The following NMT2 variants were observed in gnomAD, a reference collection of about 807,000 sequenced individuals.
NMT2 encodes the protein glycylpeptide N-tetradecanoyltransferase 2.
NMT2 carries 35 observed loss-of-function variants against 65.4 expected under a neutral mutation model. That is an observed-to-expected ratio of 0.54 (90% CI 0.41 to 0.71). NMT2 has a LOEUF of 0.71. NMT2 is among the 30% of genes least tolerant of loss of function. The pLI is 0.00. For synonymous variants in NMT2, 226 were observed against 231.8 expected (o/e 0.98, Z 0.23); for missense variants, 489 against 611.3 (o/e 0.80, Z 2.11).
intron 3 of NMT2, among the ~76,000 whole-genome samples, chr10:15,134,357 G>A (rs949416994): frequency 4.6e-5 from 7 of 152,180 alleles, no homozygotes; most frequent in African/African-American, 1.7e-4. Context: ...GATGACCGGG[G>A]CAGGCCTCAG....
intron 1 of NMT2, among the ~76,000 whole-genome samples, chr10:15,167,745 G>A (rs1833422106): frequency 6.6e-6 from 1 of 152,230 alleles, no homozygotes; most frequent in South Asian, 2.1e-4. Context: ...CAAAGGGAAA[G>A]GATTAAGAAA....
Position 15,119,482 on chromosome 10 carries a change from T to C in NMT2, c.1031A>G (p.Glu344Gly). 6.2e-7 allele frequency: 1 copy of C among 1,614,104 alleles called. No individual in the cohort carries two copies. The highest frequency in any genetic ancestry group is 1.1e-5 in the South Asian group (1 of 91,076). The stretch of plus-strand genomic sequence containing the variant: ...TCGAACTGATTTGATATCTTTTGGT[T>C]CCATTGGTCTCAAACCTGAAGTCTT... ...VTKTSGLRPM[E>G]PKDIKSVREL... is the part of the protein sequence containing the mutation. The change falls in exon 9 of 12, where the codon GAA (glutamate) becomes GGA (glycine). Residue 344 changes from glutamate (E) to glycine (G), a missense_variant. Transcript: ENST00000378165.
chr10:15,116,179 A>G (rs1285151698), intron 9 of NMT2, among the ~76,000 whole-genome samples: 1 of 152,202 alleles, frequency 6.6e-6, no homozygotes, highest in East Asian at 1.9e-4. Flanking sequence ...TATCCCGAGT[A>G]ATAAAACAAA....
chr10:15,156,965 C>G (rs1202647255), intron 1 of NMT2, among the ~76,000 whole-genome samples: 2 of 152,074 alleles, frequency 1.3e-5, no homozygotes, highest in Admixed American at 1.3e-4. Context: ...AATAAGCACT[C>G]TGCTTTCACT....
chr10:15,127,771 C>T (rs897513899), intron 8 of NMT2, among the ~76,000 whole-genome samples: 21 of 150,782 alleles, frequency 1.4e-4, no homozygotes, highest in African/African-American at 3.2e-4. Flanking sequence ...GGTGTGGTGG[C>T]GGGTGCCTGT....
Position 15,162,050 on chromosome 10 carries a change from C to G in NMT2, c.110+6453G>C, listed in dbSNP as rs189536119. Among the ~76,000 whole-genome samples, 427 of 152,076 alleles carry G rather than the reference C, an allele frequency of 2.8e-3. 3 individuals are homozygous for G. The highest frequency in any genetic ancestry group is 7.9e-3 in the Admixed American group (120 of 15,286). On this transcript the variant is annotated intron_variant, in intron 1 of 11. Transcript: ENST00000378165. ...GGTGAACTGCTTGAGTTCAGGAGTT[C>G]GAGACCAGCCTAGACAACATAGTGA...
chr10:15,153,246 C>A (rs1376069837), intron 1 of NMT2, among the ~76,000 whole-genome samples: 1 of 152,190 alleles, frequency 6.6e-6, no homozygotes, highest in Non-Finnish European at 1.5e-5. Flanking sequence ...CACAGTGAGA[C>A]CTCCCCTCCG....
At chr10:15,109,241 G>A in intron 11 of NMT2, 26 bp from the exon 12 acceptor site, 1 of 1,603,074 alleles carries the variant, frequency 6.2e-7, no homozygotes, top group African/African-American at 1.3e-5. Flanking sequence ...AAATGGAATA[G>A]TAAGAAAAAT....
chr10:15,145,014 T>C (rs1846913349), intron 1 of NMT2, among the ~76,000 whole-genome samples: 1 of 152,126 alleles, frequency 6.6e-6, no homozygotes, highest in South Asian at 2.1e-4. Context: ...ACCATCCTCT[T>C]ATGAATGAAG....
At chr10:15,154,739 GTTC>G in intron 1 of NMT2, 1 of 591,158 alleles carries the variant, frequency 1.7e-6, no homozygotes, top group Non-Finnish European at 3.2e-6. Context: ...GGTGGAGGGT[GTTC>G]TTCTGAGCTA....
At chr10:15,155,073 T>C (rs765658548) in intron 1 of NMT2, 33 of 1,353,778 alleles carry the variant, frequency 2.4e-5, no homozygotes, top group Non-Finnish European at 3.1e-5. Flanking sequence ...GTTCTCATCA[T>C]CAAATTTCTC....
intron 8 of NMT2, among the ~76,000 whole-genome samples, chr10:15,126,390 T>G (rs1589308612): frequency 6.7e-6 from 1 of 149,286 alleles, no homozygotes; most frequent in African/African-American, 2.5e-5. Context: ...GATTGTGCCA[T>G]TGCACTCCAG....
chr10:15,112,177 TATATATATATATATA>T (rs1845544414), intron 10 of NMT2, among the ~76,000 whole-genome samples: 1 of 7,956 alleles, frequency 1.3e-4, no homozygotes, highest in Non-Finnish European at 2.4e-4. Flanking sequence ...ATGGGCTTTA[TATATATATATATATA>T]TATATATATA....
chr10:15,128,398 A>C lies in NMT2; in HGVS notation c.951T>G (p.Ser317Arg). 1 of 1,610,734 alleles carries C rather than the reference A, an allele frequency of 6.2e-7. No individual in the cohort carries two copies. Among genetic ancestry groups the C allele is most frequent in the Non-Finnish European group, 8.5e-7 (1 of 1,177,064 alleles). ...KLVEVKFSHL[S>R]RNMTLQRTMK... Reference sequence around the variant, plus strand: ...TTGTTCTCTGTAAAGTCATATTTCTACTCAAGTGAGAAAATTTCACTTCTA... The same window carrying C: ...TTGTTCTCTGTAAAGTCATATTTCTCCTCAAGTGAGAAAATTTCACTTCTA... The change falls in exon 8 of 12, where the codon AGT becomes AGG. Residue 317 changes from serine (S) to arginine (R), a missense_variant. Physicochemically the swap from Ser to Arg is moderately radical, Grantham distance 110 (BLOSUM62 -1). Transcript: ENST00000378165.
Position 15,108,361 on chromosome 10 carries a change from A to G in NMT2, c.*834T>C. ...GCCACCACGCCCGGCTAATTTTTGTATTTTTAGTAGAGATGGGGTTTCACT... is the reference window on the plus strand; with the variant it reads ...GCCACCACGCCCGGCTAATTTTTGTGTTTTTAGTAGAGATGGGGTTTCACT... On this transcript the variant is annotated 3_prime_UTR_variant, in exon 12 of 12. Coordinates refer to ENST00000378165, the MANE Select transcript of NMT2 (RefSeq NM_004808.3). 2.0e-6 allele frequency: 1 copy of G among 494,672 alleles called. No individual in the cohort carries two copies. Among genetic ancestry groups the G allele is most frequent in the Non-Finnish European group, 2.6e-6 (1 of 382,688 alleles). 30.6% of individuals were successfully genotyped at this position (494,672 alleles called of 1,614,324 possible).
intron 2 of NMT2, among the ~76,000 whole-genome samples, chr10:15,137,458 C>A (rs1052049764): frequency 1.3e-5 from 2 of 152,070 alleles, no homozygotes; most frequent in African/African-American, 4.8e-5. Flanking sequence ...TGGATGACTT[C>A]TTTTCCTTGG....
chr10:15,160,581 C>A (rs192356256), intron 1 of NMT2, among the ~76,000 whole-genome samples: 2 of 152,022 alleles, frequency 1.3e-5, no homozygotes, highest in East Asian at 3.9e-4. Flanking sequence ...TCGAGACCAG[C>A]CGGCCAACGT....
intron 8 of NMT2, among the ~76,000 whole-genome samples, chr10:15,124,926 C>T (rs1057132005): frequency 2.0e-5 from 3 of 152,172 alleles, no homozygotes; most frequent in African/African-American, 7.2e-5. Context: ...TCTTGACAAT[C>T]GTCCTTTTCT....
intron 3 of NMT2, 64 bp downstream of exon 3, chr10:15,135,192 TTTGTTGTTGTTGTTGTTG>T: frequency 8.0e-7 from 1 of 1,247,738 alleles, no homozygotes; most frequent in Non-Finnish European, 1.2e-6. Context: ...CTCTTTGTGT[TTTGTTGTTGTTGTTGTTG>T]TTGTTGTTGT....
Sources: gnomAD v4.1 joint callset for allele counts (sites outside exome capture counted in the v4.1 genomes callset) on GRCh38, gnomAD v4.1.1 for gene constraint, MANE v1.5 for transcripts, NCBI Gene and HGNC (gene_info 2026-07-23, HGNC 2026-07-21) for gene names.